The following MAP4K4 variants were observed in gnomAD, a reference collection of about 807,000 sequenced individuals.
MAP4K4 encodes the protein mitogen-activated protein kinase kinase kinase kinase 4, also known as HPK/GCK-like kinase HGK.
A neutral mutation model predicts 189.6 loss-of-function variants in MAP4K4; 38 were observed. The ratio of observed to expected loss-of-function variants is 0.20; its 90% confidence interval spans 0.15 to 0.26. MAP4K4 has a LOEUF of 0.26. Ranked by LOEUF, MAP4K4 falls within the 10% of genes least tolerant of loss-of-function variation. The pLI is 1.00. For missense variants in MAP4K4, 1,054 were observed against 1,726.9 expected, an observed-to-expected ratio of 0.61 and a Z score of 6.91; for synonymous variants, 610 against 624.3, an observed-to-expected ratio of 0.98 and a Z score of 0.34.
intron 2 of MAP4K4, among the ~76,000 whole-genome samples, chr2:101,749,373 G>C (rs1461351241): frequency 6.6e-6 from 1 of 151,604 alleles, no homozygotes; most frequent in Non-Finnish European, 1.5e-5. Flanking sequence ...ACAACCATCT[G>C]ATCTTTGACA....
At chr2:101,881,210 C>T (rs1410634650) in intron 27 of MAP4K4, among the ~76,000 whole-genome samples, 2 of 151,938 alleles carry the variant, frequency 1.3e-5, no homozygotes, top group Non-Finnish European at 2.9e-5. Context: ...ATTTATTATA[C>T]CCATTTTGTT....
At chr2:101,723,208 G>A (rs1281392131) in intron 2 of MAP4K4, among the ~76,000 whole-genome samples, 3 of 152,090 alleles carry the variant, frequency 2.0e-5, no homozygotes, top group Non-Finnish European at 4.4e-5. Flanking sequence ...AAATTTATGG[G>A]GATTACAATT....
chr2:101,790,016 T>C (rs2092585380), intron 2 of MAP4K4, among the ~76,000 whole-genome samples: 1 of 152,166 alleles, frequency 6.6e-6, no homozygotes, highest in African/African-American at 2.4e-5. Context: ...CCCAGAATTT[T>C]AAAGAAGTGT....
intron 2 of MAP4K4, among the ~76,000 whole-genome samples, chr2:101,785,888 G>A (rs941528154): frequency 6.6e-6 from 1 of 151,558 alleles, no homozygotes; most frequent in Non-Finnish European, 1.5e-5. Context: ...GCAGTGGCAC[G>A]ATCTTGGCTC....
chr2:101,867,187 A>G (rs758579819), intron 19 of MAP4K4, 25 bp from the exon 20 acceptor site: 5 of 1,472,578 alleles, frequency 3.4e-6, no homozygotes, highest in African/African-American at 2.8e-5. Flanking sequence ...GTGTCTGTCC[A>G]TCTTGTCCCT....
At chr2:101,782,642 G>T (rs2088256858) in intron 2 of MAP4K4, among the ~76,000 whole-genome samples, 3 of 152,120 alleles carry the variant, frequency 2.0e-5, no homozygotes, top group African/African-American at 7.2e-5. Flanking sequence ...AACAGCAGTG[G>T]ATCTGTGGGC....
At chr2:101,858,862 T>G (rs954472906) in intron 13 of MAP4K4, 134 bp from the exon 14 acceptor site, 83 of 617,398 alleles carry the variant, frequency 1.3e-4, no homozygotes, top group Non-Finnish European at 2.3e-4. Context: ...AGCAATAGAT[T>G]TTCTTCAGGT....
At chr2:101,789,121 G>A (rs549333775) in intron 2 of MAP4K4, among the ~76,000 whole-genome samples, 1 of 152,304 alleles carries the variant, frequency 6.6e-6, no homozygotes, top group African/African-American at 2.4e-5. Context: ...CGAGAAATAT[G>A]CTTTAGTAAT....
intron 2 of MAP4K4, among the ~76,000 whole-genome samples, chr2:101,721,090 T>C (rs531686017): frequency 6.6e-6 from 1 of 152,302 alleles, no homozygotes; most frequent in South Asian, 2.1e-4. Flanking sequence ...GAAAAAACAT[T>C]CCCATTTTGC....
chr2:101,837,139 A>G (rs1370298210), intron 9 of MAP4K4, among the ~76,000 whole-genome samples: 3 of 144,864 alleles, frequency 2.1e-5, no homozygotes, highest in Admixed American at 7.0e-5. Context: ...CTAGTTTTCC[A>G]ATTGATGCTG....
chr2:101,859,987 T>C, intron 15 of MAP4K4, 123 bp downstream of exon 15: 1 of 1,015,634 alleles, frequency 9.8e-7, no homozygotes, highest in Non-Finnish European at 1.5e-6. Flanking sequence ...GTTTCTTCAT[T>C]TTCTAACTAG....
intron 5 of MAP4K4, among the ~76,000 whole-genome samples, chr2:101,827,229 A>C (rs1381505776): frequency 6.6e-6 from 1 of 152,172 alleles, no homozygotes; most frequent in African/African-American, 2.4e-5. Flanking sequence ...AGACGTAGCA[A>C]ATCTTTTTCA....
At chr2:101,815,538 A>T (rs2095663192) in intron 3 of MAP4K4, among the ~76,000 whole-genome samples, 1 of 151,794 alleles carries the variant, frequency 6.6e-6, no homozygotes, top group Non-Finnish European at 1.5e-5. Flanking sequence ...CCTCTCTCAT[A>T]TGTGTATGGT....
At chr2:101,751,754 C>T (rs982272629) in intron 2 of MAP4K4, among the ~76,000 whole-genome samples, 2 of 152,144 alleles carry the variant, frequency 1.3e-5, no homozygotes, top group Admixed American at 1.3e-4. Context: ...GGTAGGGGCT[C>T]GACTACAGAC....
chr2:101,864,006 C>A, exon 17 of MAP4K4: 1 of 1,367,664 alleles, frequency 7.3e-7, no homozygotes, highest in South Asian at 1.1e-5. Flanking sequence ...CTGACCCTAC[C>A]CAAAAGGCTT....
intron 10 of MAP4K4, among the ~76,000 whole-genome samples, chr2:101,840,805 T>C (rs996187158): frequency 6.6e-6 from 1 of 152,188 alleles, no homozygotes; most frequent in Non-Finnish European, 1.5e-5. Flanking sequence ...AGTAAAAGAA[T>C]TGGTCAAAGT....
At chr2:101,864,905 T>A (rs1158815440) in intron 17 of MAP4K4, 25 bp from the exon 18 acceptor site, 1 of 1,382,576 alleles carries the variant, frequency 7.2e-7, no homozygotes, top group Non-Finnish European at 9.9e-7. Context: ...TTCAATAATT[T>A]AATTGCTATA....
At position 101,825,306 on chromosome 2, in the gene MAP4K4, G is replaced by C. The variant is rs528625384; in HGVS notation, c.307-13G>C. On this transcript the variant is annotated splice_polypyrimidine_tract_variant and intron_variant, in intron 4 of 32. Transcript: ENST00000324219. ...AGATATGTTGCTCACCTTGTGTCTT[G>C]TCTGCCCTATAGCTTGTTATGGAGT... 1 of 1,559,074 alleles carries C rather than the reference G, an allele frequency of 6.4e-7. No homozygotes were observed. The highest frequency in any genetic ancestry group is 1.7e-5 in the Admixed American group (1 of 58,178).
intron 2 of MAP4K4, among the ~76,000 whole-genome samples, chr2:101,780,222 G>A (rs899167774): frequency 6.6e-6 from 1 of 152,184 alleles, no homozygotes; most frequent in Non-Finnish European, 1.5e-5. Context: ...GGGACCATGG[G>A]TGGATGAGGA....
Sources: gnomAD v4.1 joint callset for allele counts (sites outside exome capture counted in the v4.1 genomes callset) on GRCh38, gnomAD v4.1.1 for gene constraint, MANE v1.5 for transcripts, NCBI Gene and HGNC (gene_info 2026-07-23, HGNC 2026-07-21) for gene names.